Variants in TNS1 observed in about 807,000 individuals in gnomAD.
TNS1 encodes tensin 1.
A neutral mutation model predicts 168.6 loss-of-function variants in TNS1; 62 were observed. The observed-to-expected ratio is 0.37, with a 90% CI of 0.30 to 0.45. The LOEUF is 0.45. Among genes scored for constraint, TNS1 ranks in the 20% least tolerant of loss-of-function variants. The pLI is 1.00. For missense variants in TNS1, 2,240 were observed against 2,339.4 expected (o/e 0.96, Z 0.88); for synonymous variants, 934 against 933.2 (o/e 1.00, Z -0.02).
In TNS1 at chr2:217,848,547, C is replaced by A. The variant is rs1001970315; in HGVS notation, c.1970G>T (p.Gly657Val). Residue 657 changes from glycine to valine, a missense_variant, in exon 19 of 33, where the codon GGC becomes GTC. Around this residue, in one of 2 missense-constraint regions of TNS1, gnomAD observed 2,131 missense variants for 2,171.2 expected, o/e 0.98. Coordinates refer to ENST00000682258, the MANE Select transcript of TNS1 (RefSeq NM_001387777.1). The stretch of plus-strand genomic sequence containing the variant: ...CAGTGGGGACAGGGCCTCTGGGTAG[C>A]CCCCCTCACTGGTGTTGGTGACCCC... ...LDGVTNTSEG[G>V]YPEALSPLTN... 1.2e-6 allele frequency: 2 copies of A among 1,613,848 alleles called. No homozygotes were observed. Among genetic ancestry groups the A allele is most frequent in the African/African-American group, 2.7e-5 (2 of 74,916 alleles).
chr2:217,988,836 C>A (rs2126079056), intron 2 of TNS1, among the ~76,000 whole-genome samples: 1 of 152,328 alleles, frequency 6.6e-6, no homozygotes, highest in East Asian at 1.9e-4. Context: ...CACTGCCAAC[C>A]TCAGTTTCCT....
intron 6 of TNS1, chr2:217,901,875 A>C (rs1953034487): frequency 6.6e-6 from 1 of 152,300 alleles, no homozygotes; most frequent in Admixed American, 6.5e-5. Context: ...CTGAGCCCCA[A>C]GTTAGAGCAG....
At chr2:217,815,325 G>A (rs1941717941) in intron 24 of TNS1, 1 of 285,520 alleles carries the variant, frequency 3.5e-6, no homozygotes. Flanking sequence ...TGGGAGAGAG[G>A]CCTGGGACAG....
intron 19 of TNS1, among the ~76,000 whole-genome samples, chr2:217,844,119 C>T (rs1231341712): frequency 3.3e-5 from 5 of 152,122 alleles, no homozygotes; most frequent in African/African-American, 1.2e-4. Context: ...TGATCCTTCT[C>T]CCTCATCCGC....
At chr2:217,988,458 C>G (rs1487008015) in intron 2 of TNS1, among the ~76,000 whole-genome samples, 1 of 152,146 alleles carries the variant, frequency 6.6e-6, no homozygotes, top group Admixed American at 6.5e-5. Context: ...CCTTCTGCCC[C>G]CACCCCCAGA....
chr2:217,878,396 C>T (rs774122741), intron 18 of TNS1, among the ~76,000 whole-genome samples: 5 of 152,176 alleles, frequency 3.3e-5, no homozygotes, highest in Admixed American at 6.5e-5. Context: ...GGGGGCAACG[C>T]GGTGGCTTGA....
At chr2:217,942,544 G>A (rs1176910080) in intron 3 of TNS1, among the ~76,000 whole-genome samples, 2 of 152,152 alleles carry the variant, frequency 1.3e-5, no homozygotes, top group African/African-American at 2.4e-5. Context: ...TTACAGGAGT[G>A]GCCACCAGCT....
intron 23 of TNS1, 72 bp from the exon 24 acceptor site, chr2:217,818,831 T>C: frequency 7.8e-7 from 1 of 1,286,660 alleles, no homozygotes; most frequent in African/African-American, 1.5e-5. Flanking sequence ...GCAGGCTGTC[T>C]GCCCTCCCTC....
rs533941908 is a variant in TNS1, at chr2:218,033,423, G to A, written c.156+397C>T. 1.2e-4 allele frequency among the ~76,000 whole-genome samples: 18 copies of A among 152,230 alleles called. No individual in the cohort carries two copies. The East Asian group carries it at 3.3e-3, about 28-fold the overall frequency. ...GGGCCCCCACCCTCCTAACTCCAGA[G>A]TCCTCCTAAATGAAGGGACACTGCC... On this transcript the variant is annotated intron_variant, in intron 1 of 1. Coordinates refer to the TNS1 transcript ENST00000649572. The surrounding 1 kb of genome is among the most constrained non-coding windows in gnomAD (Gnocchi z 4.3).
intron 21 of TNS1, 33 bp from the exon 22 acceptor site, chr2:217,831,580 G>A (rs1236120165): frequency 2.1e-6 from 3 of 1,438,240 alleles, no homozygotes; most frequent in Non-Finnish European, 2.7e-6. Context: ...GACACAGGGA[G>A]TGAGAGGTGG....
intron 3 of TNS1, among the ~76,000 whole-genome samples, chr2:217,976,916 C>T (rs913216416): frequency 2.0e-5 from 3 of 152,188 alleles, no homozygotes; most frequent in Non-Finnish European, 4.4e-5. Context: ...GAAGGAAGCA[C>T]AAAGGCCCAG....
intron 19 of TNS1, 41 bp downstream of exon 19, chr2:217,847,469 T>C (rs752842609): frequency 9.5e-6 from 13 of 1,374,566 alleles, no homozygotes; most frequent in East Asian, 2.5e-5. Flanking sequence ...CAAGACCAAA[T>C]AAGGAAGGGG....
chr2:217,806,581 A>T (rs933626066), intron 32 of TNS1, among the ~76,000 whole-genome samples: 6 of 152,156 alleles, frequency 3.9e-5, no homozygotes, highest in African/African-American at 1.2e-4. Flanking sequence ...AGCCCCTTCA[A>T]ACAGGAAGTT....
chr2:217,942,776 G>A (rs1189183614), intron 3 of TNS1, among the ~76,000 whole-genome samples: 1 of 149,536 alleles, frequency 6.7e-6, no homozygotes, highest in Non-Finnish European at 1.5e-5. Flanking sequence ...ACAACCGCCT[G>A]CCTGCCTGCC....
chr2:217,914,893 T>A (rs1426510053), intron 4 of TNS1, among the ~76,000 whole-genome samples: 2 of 152,246 alleles, frequency 1.3e-5, no homozygotes, highest in Admixed American at 1.3e-4. Flanking sequence ...TGCAGAACAA[T>A]GGAAAATGAA....
intron 18 of TNS1, among the ~76,000 whole-genome samples, chr2:217,876,309 C>T (rs1950196769): frequency 6.6e-6 from 1 of 152,162 alleles, no homozygotes; most frequent in Non-Finnish European, 1.5e-5. Flanking sequence ...AAACACAGCG[C>T]CACCCCTACC....
intron 18 of TNS1, among the ~76,000 whole-genome samples, chr2:217,874,819 T>C (rs1950076532): frequency 6.6e-6 from 1 of 152,244 alleles, no homozygotes; most frequent in African/African-American, 2.4e-5. Context: ...GTACTGTTAT[T>C]GAACCCATTT....
At chr2:217,809,299 A>G (rs992694727) in intron 30 of TNS1, among the ~76,000 whole-genome samples, 14 of 66,522 alleles carry the variant, frequency 2.1e-4, no homozygotes, top group African/African-American at 3.0e-4. Context: ...ATGGATGGAT[A>G]GGTGCATGGA....
At chr2:217,860,679 A>G (rs1948697855) in intron 18 of TNS1, among the ~76,000 whole-genome samples, 2 of 152,264 alleles carry the variant, frequency 1.3e-5, no homozygotes, top group Admixed American at 6.5e-5. Context: ...GTAAGTTATA[A>G]AAATAAACTT....
Sources: gnomAD v4.1 joint callset for allele counts (sites outside exome capture counted in the v4.1 genomes callset) on GRCh38, gnomAD v4.1.1 for gene constraint, gnomAD v4.1.1 regional missense constraint, Gnocchi (gnomAD v3.1) non-coding constraint, MANE v1.5 for transcripts, NCBI Gene and HGNC (gene_info 2026-07-23, HGNC 2026-07-21) for gene names.